Variants in GPHN observed in about 807,000 individuals in gnomAD.
GPHN encodes the protein gephyrin.
In GPHN, 17 loss-of-function variants were observed where a neutral mutation model predicts 95.5. The observed-to-expected ratio is 0.18, with a 90% CI of 0.12 to 0.27. The LOEUF is 0.27. Ranked by LOEUF, GPHN falls within the 10% of genes least tolerant of loss-of-function variation. The pLI is 1.00. For synonymous variants in GPHN, 320 were observed against 322.5 expected (o/e 0.99, Z 0.08); for missense variants, 660 against 978.1 (o/e 0.67, Z 4.34).
At chr14:67,315,840 C>T in the GPHN span, among the ~76,000 whole-genome samples, 1 of 152,166 alleles carries the variant, frequency 6.6e-6, no homozygotes, top group Non-Finnish European at 1.5e-5. Flanking sequence ...CATGCGAATC[C>T]CTTGAACCTG....
chr14:66,700,740 TGGTGAAACC>T (rs2068481233), intron 2 of GPHN, among the ~76,000 whole-genome samples: 2 of 152,002 alleles, frequency 1.3e-5, no homozygotes, highest in South Asian at 4.2e-4. Flanking sequence ...CTGGCCAACA[TGGTGAAACC>T]CCGTCTCTAC....
At chr14:67,470,101 C>A in the GPHN span, among the ~76,000 whole-genome samples, 1 of 152,136 alleles carries the variant, frequency 6.6e-6, no homozygotes, top group Non-Finnish European at 1.5e-5. Flanking sequence ...GTAGAGACAG[C>A]AAGAAGGATT....
At chr14:67,389,263 G>A in the GPHN span, among the ~76,000 whole-genome samples, 1 of 152,084 alleles carries the variant, frequency 6.6e-6, no homozygotes, top group African/African-American at 2.4e-5. Context: ...ATGCCAACGG[G>A]AGGAAAGTTC....
chr14:66,686,521 G>T (rs2067371390), intron 2 of GPHN, among the ~76,000 whole-genome samples: 1 of 152,154 alleles, frequency 6.6e-6, no homozygotes, highest in South Asian at 2.1e-4. Flanking sequence ...AATTGTGAAT[G>T]GGAGTTCACT....
At chr14:67,586,956 A>G in the GPHN span, 1 of 1,541,960 alleles carries the variant, frequency 6.5e-7, no homozygotes, top group Non-Finnish European at 8.7e-7. Flanking sequence ...CCAGGTGGGT[A>G]TTTTAAGAGA....
chr14:67,596,295 ATTTTTTTTTTTTT>A, the GPHN span, among the ~76,000 whole-genome samples: 2 of 60,228 alleles, frequency 3.3e-5, no homozygotes, highest in East Asian at 1.2e-3. Flanking sequence ...CGCCCAGCTA[ATTTTTTTTTTTTT>A]TTTTTTTTTT....
intron 8 of GPHN, among the ~76,000 whole-genome samples, chr14:66,956,361 T>G (rs1267061294): frequency 6.6e-6 from 1 of 152,234 alleles, no homozygotes; most frequent in African/African-American, 2.4e-5. Flanking sequence ...AAAAATGTGT[T>G]TATAGCAGCA....
chr14:66,942,263 C>T (rs182811082), intron 8 of GPHN, among the ~76,000 whole-genome samples: 37 of 152,372 alleles, frequency 2.4e-4, no homozygotes, highest in African/African-American at 8.7e-4. Context: ...CCACACACCT[C>T]AGCTTCCCAA....
the GPHN span, chr14:67,541,991 A>G: frequency 1.9e-6 from 3 of 1,603,988 alleles, no homozygotes; most frequent in Non-Finnish European, 2.6e-6. Flanking sequence ...GCTGGCTGAC[A>G]AGGTGAGTCC....
chr14:67,123,921 A>G (rs538838003), intron 17 of GPHN, among the ~76,000 whole-genome samples: 104 of 152,292 alleles, frequency 6.8e-4, no homozygotes, highest in African/African-American at 2.5e-3. Context: ...CCTGGTCTAA[A>G]CCTTGGACAC....
chr14:67,049,157 C>T (rs946500267), intron 10 of GPHN, among the ~76,000 whole-genome samples: 3 of 152,066 alleles, frequency 2.0e-5, no homozygotes, highest in Non-Finnish European at 4.4e-5. Context: ...TCTACAGTCA[C>T]AATCAACAAG....
chr14:66,882,087 G>A (rs1208751832), intron 5 of GPHN, among the ~76,000 whole-genome samples: 2 of 151,580 alleles, frequency 1.3e-5, no homozygotes, highest in African/African-American at 4.8e-5. Flanking sequence ...TTTCTATTTT[G>A]TATGCACTTC....
At chr14:67,049,934 C>T (rs1163662214) in intron 10 of GPHN, among the ~76,000 whole-genome samples, 1 of 152,168 alleles carries the variant, frequency 6.6e-6, no homozygotes, top group East Asian at 1.9e-4. Flanking sequence ...CACGCACGCA[C>T]ACACATGCAT....
the GPHN span, among the ~76,000 whole-genome samples, chr14:67,267,021 C>A: frequency 1.3e-5 from 2 of 151,938 alleles, no homozygotes; most frequent in East Asian, 3.9e-4. Context: ...GCGGGAAGAT[C>A]ACTTGAGCCT....
chr14:66,522,543 A>C (rs750676036), intron 1 of GPHN, among the ~76,000 whole-genome samples: 1 of 152,100 alleles, frequency 6.6e-6, no homozygotes, highest in Non-Finnish European at 1.5e-5. Flanking sequence ...TTCCAAATTT[A>C]TTTGAAAATT....
intron 1 of GPHN, among the ~76,000 whole-genome samples, chr14:66,652,992 A>G (rs1035779588): frequency 6.6e-6 from 1 of 152,150 alleles, no homozygotes; most frequent in Non-Finnish European, 1.5e-5. Flanking sequence ...CTCCCTGTCA[A>G]TTCAGCTGTC....
chr14:66,718,540 T>A (rs1006945380), intron 2 of GPHN, among the ~76,000 whole-genome samples: 1 of 152,170 alleles, frequency 6.6e-6, no homozygotes, highest in Non-Finnish European at 1.5e-5. Flanking sequence ...TTGCTGCTGC[T>A]GGCTCAGGTG....
At chr14:67,550,193 A>AT in the GPHN span, among the ~76,000 whole-genome samples, 1 of 150,026 alleles carries the variant, frequency 6.7e-6, no homozygotes, top group African/African-American at 2.4e-5. Flanking sequence ...TTGTCTTTAT[A>AT]TTTTTTATTT....
At chr14:67,118,799 CT>C (rs1051619759) in intron 16 of GPHN, among the ~76,000 whole-genome samples, 16 of 151,830 alleles carry the variant, frequency 1.1e-4, no homozygotes, top group African/African-American at 3.6e-4. Context: ...TTATGTCCTA[CT>C]TTTAGGCAAA....
Sources: allele counts gnomAD v4.1 joint callset (sites outside exome capture counted in the v4.1 genomes callset), GRCh38; gene constraint gnomAD v4.1.1; transcripts MANE v1.5; gene names NCBI Gene and HGNC (gene_info 2026-07-23, HGNC 2026-07-21).